The following SLC2A9 variants were observed in gnomAD, a reference collection of about 807,000 sequenced individuals.
SLC2A9 encodes solute carrier family 2 member 9.
In SLC2A9, 39 loss-of-function variants were observed where a neutral mutation model predicts 50.6. The ratio of observed to expected loss-of-function variants is 0.77; its 90% CI spans 0.60 to 1.01. The LOEUF is 1.01. Among genes scored for constraint, SLC2A9 ranks in the 50% least tolerant of loss-of-function variants. The pLI is 0.00. For synonymous variants in SLC2A9, 324 were observed against 276.9 expected (o/e 1.17, Z -1.69); for missense variants, 686 against 677.6 (o/e 1.01, Z -0.14).
At chr4:9,856,941 G>A (rs752395132) in intron 10 of SLC2A9, among the ~76,000 whole-genome samples, 10 of 152,082 alleles carry the variant, frequency 6.6e-5, no homozygotes, top group African/African-American at 2.2e-4. Context: ...AGGGAACAAT[G>A]ACACTGTGGC....
At chr4:9,976,379 C>T (rs1318639190) in intron 5 of SLC2A9, among the ~76,000 whole-genome samples, 1 of 152,140 alleles carries the variant, frequency 6.6e-6, no homozygotes, top group South Asian at 2.1e-4. Flanking sequence ...GCTTCGTTGT[C>T]TCAGTCTTTG....
intron 10 of SLC2A9, among the ~76,000 whole-genome samples, chr4:9,881,512 G>A (rs905482693): frequency 2.0e-4 from 31 of 152,352 alleles, no homozygotes; most frequent in African/African-American, 7.0e-4. Context: ...AGGAACTATA[G>A]CAGGGGTTGA....
intron 1 of SLC2A9, chr4:10,035,999 C>A: frequency 5.2e-6 from 1 of 193,050 alleles, no homozygotes; most frequent in South Asian, 1.2e-4. Flanking sequence ...TGGACTGAGC[C>A]GTGCTGCCAG....
intron 2 of SLC2A9, among the ~76,000 whole-genome samples, chr4:10,009,162 T>C (rs1578316653): frequency 6.6e-6 from 1 of 152,148 alleles, no homozygotes; most frequent in South Asian, 2.1e-4. Flanking sequence ...AGAACTTATG[T>C]CGTTTGACAC....
intron 6 of SLC2A9, among the ~76,000 whole-genome samples, chr4:9,935,451 C>T (rs1746887180): frequency 6.6e-6 from 1 of 152,250 alleles, no homozygotes; most frequent in African/African-American, 2.4e-5. Flanking sequence ...GGGCCTGACA[C>T]TAGTCCCTGC....
At chr4:9,819,116 CAAAAAAAAAAA>C (rs60751108) in intron 3 of SLC2A9, among the ~76,000 whole-genome samples, 6 of 57,374 alleles carry the variant, frequency 1.0e-4, no homozygotes, top group African/African-American at 5.4e-5. Context: ...GAGACTGTCT[CAAAAAAAAAAA>C]AAAAAAAAAA....
chr4:9,838,361 G>A (rs554424689), intron 10 of SLC2A9, among the ~76,000 whole-genome samples: 23 of 152,122 alleles, frequency 1.5e-4, no homozygotes, highest in Non-Finnish European at 2.9e-4. Flanking sequence ...AGAAATCATA[G>A]ATGGCACAAA....
At chr4:9,781,437 G>T (rs1718350130) in intron 3 of SLC2A9, among the ~76,000 whole-genome samples, 1 of 152,144 alleles carries the variant, frequency 6.6e-6, no homozygotes, top group Non-Finnish European at 1.5e-5. Context: ...GGTTTTCCCG[G>T]GGAGAATTTT....
chr4:9,927,852 C>T (rs1577930491), intron 6 of SLC2A9, among the ~76,000 whole-genome samples: 3 of 152,128 alleles, frequency 2.0e-5, no homozygotes, highest in Admixed American at 2.0e-4. Flanking sequence ...AGGGTGCCTT[C>T]GATCTGTCTT....
At chr4:10,029,275 G>A (rs1763853533) in intron 1 of SLC2A9, 1 of 152,204 alleles carries the variant, frequency 6.6e-6, no homozygotes, top group Admixed American at 6.5e-5. Context: ...ATGGATCTGA[G>A]ATGGGGCAGG....
chr4:9,893,278 TAGG>T (rs2109815733), intron 8 of SLC2A9, among the ~76,000 whole-genome samples: 1 of 152,110 alleles, frequency 6.6e-6, no homozygotes, highest in South Asian at 2.1e-4. Flanking sequence ...ACTTGAAGGC[TAGG>T]AGCCTTCATC....
intron 2 of SLC2A9, among the ~76,000 whole-genome samples, chr4:10,003,012 C>G (rs564818295): frequency 6.6e-6 from 1 of 152,274 alleles, no homozygotes; most frequent in Non-Finnish European, 1.5e-5. Context: ...ATTAGAGGGG[C>G]CACAGCAAGA....
chr4:9,803,860 T>A (rs1213386109), intron 3 of SLC2A9, among the ~76,000 whole-genome samples: 1 of 152,232 alleles, frequency 6.6e-6, no homozygotes, highest in African/African-American at 2.4e-5. Flanking sequence ...ATACCTCCTA[T>A]GTGCTAGGGG....
intron 5 of SLC2A9, among the ~76,000 whole-genome samples, chr4:9,942,277 C>G (rs1215067845): frequency 2.0e-5 from 3 of 152,204 alleles, no homozygotes; most frequent in Non-Finnish European, 4.4e-5. Context: ...GAGATAGTGA[C>G]CTGCAAGGTA....
intron 10 of SLC2A9, among the ~76,000 whole-genome samples, chr4:9,877,723 A>G (rs1339028084): frequency 6.6e-6 from 1 of 152,140 alleles, no homozygotes; most frequent in African/African-American, 2.4e-5. Flanking sequence ...CAGATGTTGC[A>G]GGTGCAGGCC....
chr4:9,971,910 A>T (rs890116490), intron 5 of SLC2A9, among the ~76,000 whole-genome samples: 10 of 152,256 alleles, frequency 6.6e-5, no homozygotes, highest in Non-Finnish European at 1.5e-5. Context: ...ACACCTGCCT[A>T]GCAACTGCCT....
intron 7 of SLC2A9, among the ~76,000 whole-genome samples, chr4:9,914,563 G>C (rs147336879): frequency 8.5e-4 from 130 of 152,288 alleles, no homozygotes; most frequent in African/African-American, 2.8e-3. Flanking sequence ...GGGTTAGCTG[G>C]GCTTGAAGCT....
chr4:10,025,716 A>G, upstream of SLC2A9: 2 of 602,590 alleles, frequency 3.3e-6, no homozygotes, highest in Non-Finnish European at 5.9e-6. Flanking sequence ...CACTCTTCTG[A>G]GCCTCATCCC....
intron 3 of SLC2A9, among the ~76,000 whole-genome samples, chr4:9,780,996 C>T (rs1190037116): frequency 2.0e-5 from 3 of 152,152 alleles, no homozygotes; most frequent in African/African-American, 7.2e-5. Flanking sequence ...AAGGAAAAAT[C>T]GTTCAAGGAC....
Sources: gnomAD v4.1 joint callset for allele counts (sites outside exome capture counted in the v4.1 genomes callset) on GRCh38, gnomAD v4.1.1 for gene constraint, MANE v1.5 for transcripts, NCBI Gene and HGNC (gene_info 2026-07-23, HGNC 2026-07-21) for gene names.